ASAP3: variants seen among roughly 807,000 people sequenced by gnomAD.
ASAP3 encodes the protein ArfGAP with SH3 domain, ankyrin repeat and PH domain 3.
ASAP3 carries 85 observed loss-of-function variants against 118.2 expected under a neutral mutation model. That is an observed-to-expected ratio of 0.72 (90% confidence interval 0.60 to 0.86). The LOEUF (loss-of-function observed/expected upper bound fraction) is 0.86. ASAP3 is among the 40% of genes least tolerant of loss of function. The pLI, the probability that ASAP3 is intolerant of heterozygous loss-of-function variation, is 0.00. For synonymous variants in ASAP3, 432 were observed against 477.4 expected, an observed-to-expected ratio of 0.90 and a Z score of 1.24; for missense variants, 1,026 against 1,175.0, an observed-to-expected ratio of 0.87 and a Z score of 1.85.
intron 1 of ASAP3, among the ~76,000 whole-genome samples, chr1:23,467,365 G>A (rs1641809196): frequency 6.6e-6 from 1 of 151,944 alleles, no homozygotes; most frequent in South Asian, 2.1e-4. Flanking sequence ...ACCACGCCTG[G>A]CCCATTATAG....
chr1:23,473,304 A>G (rs1642018571), intron 1 of ASAP3, among the ~76,000 whole-genome samples: 1 of 152,162 alleles, frequency 6.6e-6, no homozygotes. Flanking sequence ...AGATTCTTAA[A>G]AGCTCTTTCA....
chr1:23,439,065 GC>G, intron 11 of ASAP3, 95 bp downstream of exon 11: 1 of 1,474,654 alleles, frequency 6.8e-7, no homozygotes, highest in Non-Finnish European at 9.4e-7. Flanking sequence ...AGGTTTGGGG[GC>G]CAGTCTTAGA....
chr1:23,450,000 C>T (rs1369870841), intron 5 of ASAP3, among the ~76,000 whole-genome samples: 4 of 152,200 alleles, frequency 2.6e-5, no homozygotes, highest in Non-Finnish European at 4.4e-5. Flanking sequence ...CCTCACTACC[C>T]GTCCCTGGGC....
chr1:23,461,381 A>G (rs1000640270), intron 1 of ASAP3, among the ~76,000 whole-genome samples: 6 of 152,148 alleles, frequency 3.9e-5, no homozygotes, highest in African/African-American at 1.2e-4. Flanking sequence ...TAATTTAGAA[A>G]AAAAGGGCCT....
At chr1:23,442,088 A>G in intron 7 of ASAP3, 98 bp downstream of exon 7, 1 of 1,280,102 alleles carries the variant, frequency 7.8e-7, no homozygotes, top group South Asian at 1.3e-5. Context: ...AAAAAGATGC[A>G]GGCCTCCAAA....
chr1:23,437,303 T>C lies in ASAP3; in HGVS notation c.1169A>G (p.Gln390Arg). 1.2e-6 allele frequency: 2 copies of C among 1,610,138 alleles called. No homozygotes were observed. Among genetic ancestry groups the C allele is most frequent in the South Asian group, 2.2e-5 (2 of 90,646 alleles). ...HECEAWVSVL[Q>R]NSKDEALSSA... ...GCTCAGGGCTTCGTCCTTGCTGTTC[T>C]GCAACACTGACACCCACCTGCGGAG... The change falls in exon 14 of 25, where the codon CAG becomes CGG. Residue 390 changes from glutamine to arginine, a missense_variant. Gln to Arg is a conservative substitution (Grantham distance 43). Transcript: ENST00000336689. The surrounding 1 kb of genome is among the most constrained non-coding windows in gnomAD (Gnocchi z 6.1).
chr1:23,443,786 T>A (rs905234128), intron 5 of ASAP3, among the ~76,000 whole-genome samples: 2 of 151,810 alleles, frequency 1.3e-5, no homozygotes, highest in Non-Finnish European at 2.9e-5. Context: ...AACGGCATGA[T>A]CTTGGCTCAC....
chr1:23,436,947 T>C lies in ASAP3; in HGVS notation c.1440A>G (p.Ser480=). The C allele has an allele frequency of 1.2e-6, 2 of 1,611,758 alleles. No individual in the cohort carries two copies. The highest frequency in any genetic ancestry group is 1.7e-6 in the Non-Finnish European group (2 of 1,179,704). The part of the protein sequence containing the change: ...ELGVRFSRMQ[S]LTLDLLGPSE... ...AGGGGCCCAGCAGGTCCAAGGTGAGTGACTGCATGCGCGAAAAGCGCACGC... is the reference window on the plus strand; with the variant it reads ...AGGGGCCCAGCAGGTCCAAGGTGAGCGACTGCATGCGCGAAAAGCGCACGC... The change falls in exon 15 of 25, where the codon TCA becomes TCG. Residue 480 remains serine, a synonymous_variant. Transcript: ENST00000336689. This position sits in a 1 kb window ranked among gnomAD's most constrained non-coding sequence, Gnocchi z 4.2.
intron 23 of ASAP3, 88 bp from the exon 24 acceptor site, chr1:23,431,213 G>A (rs1640420279): frequency 7.2e-7 from 1 of 1,389,064 alleles, no homozygotes; most frequent in Admixed American, 2.0e-5. Context: ...GAGCCAGTCT[G>A]GGGGCTTAGG....
At chr1:23,440,182 G>A (rs1640812152) in intron 10 of ASAP3, among the ~76,000 whole-genome samples, 1 of 150,130 alleles carries the variant, frequency 6.7e-6, no homozygotes, top group South Asian at 2.1e-4. Flanking sequence ...TTCATTTCTA[G>A]GCATATTCAG....
At chr1:23,446,928 G>C (rs958870818) in intron 5 of ASAP3, among the ~76,000 whole-genome samples, 6 of 152,072 alleles carry the variant, frequency 3.9e-5, no homozygotes, top group Non-Finnish European at 5.9e-5. Context: ...ATAGCAGGGT[G>C]GGGGAGGGTG....
chr1:23,456,269 A>C, intron 1 of ASAP3, 75 bp from the exon 2 acceptor site: 1 of 1,423,448 alleles, frequency 7.0e-7, no homozygotes, highest in Middle Eastern at 1.9e-4. Context: ...CGCTGTATCT[A>C]TGATTTCCAC....
At chr1:23,458,730 C>G (rs1414973177) in intron 1 of ASAP3, among the ~76,000 whole-genome samples, 1 of 151,862 alleles carries the variant, frequency 6.6e-6, no homozygotes, top group Non-Finnish European at 1.5e-5. Context: ...AGAACATGGC[C>G]ACTTCTATGG....
intron 3 of ASAP3, among the ~76,000 whole-genome samples, chr1:23,453,406 T>A (rs572371017): frequency 6.6e-6 from 1 of 152,240 alleles, no homozygotes; most frequent in Admixed American, 6.5e-5. Flanking sequence ...ATCACAATCC[T>A]CGCTGGGATT....
chr1:23,478,531 C>T (rs988637049), intron 1 of ASAP3, among the ~76,000 whole-genome samples: 12 of 151,634 alleles, frequency 7.9e-5, no homozygotes, highest in East Asian at 1.9e-4. Context: ...GAGGACGAGG[C>T]GGGTGGATCA....
At chr1:23,463,325 G>T (rs547575503) in intron 1 of ASAP3, among the ~76,000 whole-genome samples, 1 of 151,354 alleles carries the variant, frequency 6.6e-6, no homozygotes, top group African/African-American at 2.4e-5. Context: ...CCTATCCTGT[G>T]GTATAATAGG....
chr1:23,450,683 T>C (rs1358922151), intron 5 of ASAP3, among the ~76,000 whole-genome samples: 2 of 152,258 alleles, frequency 1.3e-5, no homozygotes, highest in East Asian at 1.9e-4. Flanking sequence ...GATGATTAAT[T>C]TTTTTTCTTC....
intron 1 of ASAP3, among the ~76,000 whole-genome samples, chr1:23,476,016 C>A (rs1395773528): frequency 6.6e-6 from 1 of 151,828 alleles, no homozygotes; most frequent in African/African-American, 2.4e-5. Context: ...TGTTCCCCTG[C>A]CAGATTTCCC....
chr1:23,449,912 C>T (rs888029603), intron 5 of ASAP3, among the ~76,000 whole-genome samples: 2 of 152,200 alleles, frequency 1.3e-5, no homozygotes, highest in African/African-American at 4.8e-5. Context: ...GAAAGTCTAA[C>T]GGCTTAGTTA....
Sources: allele counts gnomAD v4.1 joint callset (sites outside exome capture counted in the v4.1 genomes callset), GRCh38; gene constraint gnomAD v4.1.1; non-coding constraint Gnocchi (gnomAD v3.1); transcripts MANE v1.5; gene names NCBI Gene and HGNC (gene_info 2026-07-23, HGNC 2026-07-21).